VAT1L: variants seen among roughly 807,000 people sequenced by gnomAD.
The protein encoded by VAT1L is putative NADPH-dependent quinone oxidoreductase VAT1L.
Under a neutral mutation model 44.1 loss-of-function variants are expected in VAT1L, and 34 were observed. The ratio of observed to expected loss-of-function variants is 0.77; its 90% CI spans 0.59 to 1.03. The LOEUF is 1.03. VAT1L is among the 50% of genes least tolerant of loss of function. The pLI, the probability that VAT1L is intolerant of heterozygous loss-of-function variation, is 0.00. For missense variants in VAT1L, 615 were observed against 538.8 expected (o/e 1.14, Z -1.40); for synonymous variants, 253 against 202.2 (o/e 1.25, Z -2.13).
At chr16:77,892,930 G>C (rs914031497) in intron 7 of VAT1L, 5 of 945,576 alleles carry the variant, frequency 5.3e-6, no homozygotes, top group Non-Finnish European at 8.5e-6. Flanking sequence ...TTTGACTTGT[G>C]TTTTATCTTA....
chr16:77,858,700 T>C (rs2016885447), intron 3 of VAT1L, among the ~76,000 whole-genome samples: 1 of 152,168 alleles, frequency 6.6e-6, no homozygotes, highest in Admixed American at 6.5e-5. Flanking sequence ...CCTCAGCTTC[T>C]TCCTCAGTAA....
chr16:77,931,097 C>T (rs183718676), intron 7 of VAT1L, among the ~76,000 whole-genome samples: 12 of 152,282 alleles, frequency 7.9e-5, no homozygotes, highest in African/African-American at 2.6e-4. Flanking sequence ...AATTAACACC[C>T]AGGTTATTCT....
At chr16:77,929,474 C>A (rs1464702043) in intron 7 of VAT1L, among the ~76,000 whole-genome samples, 1 of 152,264 alleles carries the variant, frequency 6.6e-6, no homozygotes, top group African/African-American at 2.4e-5. Context: ...ATTAGCAATT[C>A]TCAGCTCCAG....
intron 4 of VAT1L, among the ~76,000 whole-genome samples, chr16:77,864,363 A>C (rs1051532534): frequency 5.9e-5 from 9 of 152,276 alleles, no homozygotes; most frequent in Admixed American, 4.6e-4. Context: ...GAGGCCAAGG[A>C]GGGCAGATCA....
intron 1 of VAT1L, among the ~76,000 whole-genome samples, chr16:77,810,445 A>G (rs145138779): frequency 2.2e-3 from 328 of 152,300 alleles, no homozygotes; most frequent in African/African-American, 7.7e-3. Flanking sequence ...GTAATGGAGT[A>G]TAAGGATTTA....
intron 7 of VAT1L, among the ~76,000 whole-genome samples, chr16:77,959,915 T>G (rs1021077755): frequency 6.6e-6 from 1 of 152,132 alleles, no homozygotes; most frequent in Admixed American, 6.5e-5. Flanking sequence ...TTTGCTCTTT[T>G]GTCCCCAAGG....
intron 7 of VAT1L, among the ~76,000 whole-genome samples, chr16:77,918,979 G>A (rs1225067278): frequency 1.3e-5 from 2 of 152,202 alleles, no homozygotes; most frequent in East Asian, 3.9e-4. Context: ...TTCCTATCTA[G>A]CTTCTTGTTT....
At chr16:77,886,113 C>T (rs2017206736) in intron 7 of VAT1L, among the ~76,000 whole-genome samples, 1 of 152,184 alleles carries the variant, frequency 6.6e-6, no homozygotes, top group Non-Finnish European at 1.5e-5. Flanking sequence ...TGCTTCCTTC[C>T]AGTCTTTTTT....
intron 7 of VAT1L, among the ~76,000 whole-genome samples, chr16:77,928,666 A>T (rs1439748575): frequency 6.6e-6 from 1 of 152,200 alleles, no homozygotes; most frequent in Non-Finnish European, 1.5e-5. Context: ...AGCCCCTCGT[A>T]AATGACGTGT....
chr16:77,944,602 T>C (rs1216522991), intron 7 of VAT1L, among the ~76,000 whole-genome samples: 1 of 152,164 alleles, frequency 6.6e-6, no homozygotes, highest in African/African-American at 2.4e-5. Context: ...TTGTGAAGAT[T>C]AAAGGAGATA....
Position 77,921,934 on chromosome 16 carries a change from G to C in VAT1L, c.1077+37132G>C, listed in dbSNP as rs187292145. 2.8e-3 allele frequency among the ~76,000 whole-genome samples: 425 copies of C among 152,020 alleles called. 5 individuals carry two copies. Among genetic ancestry groups the C allele is most frequent in the African/African-American group, 9.9e-3 (410 of 41,454 alleles). On this transcript the variant is annotated intron_variant, in intron 7 of 8. Coordinates refer to ENST00000302536, the MANE Select transcript of VAT1L (RefSeq NM_020927.3). ...AATTTTTATAATTTTTTTTTATGGTGACAGGGTCTCACTATGTTGCCCAGG... is the reference window on the plus strand; with the variant it reads ...AATTTTTATAATTTTTTTTTATGGTCACAGGGTCTCACTATGTTGCCCAGG...
At chr16:77,853,148 T>C (rs2016823719) in intron 3 of VAT1L, among the ~76,000 whole-genome samples, 1 of 152,188 alleles carries the variant, frequency 6.6e-6, no homozygotes, top group Non-Finnish European at 1.5e-5. Context: ...AGCAGAGCTG[T>C]GACAGGCTAG....
intron 7 of VAT1L, among the ~76,000 whole-genome samples, chr16:77,934,788 G>C (rs1347892766): frequency 6.6e-6 from 1 of 152,164 alleles, no homozygotes; most frequent in Non-Finnish European, 1.5e-5. Context: ...ACTTAATTGT[G>C]TGATATATTG....
chr16:77,862,531 G>A (rs11645946), intron 3 of VAT1L, among the ~76,000 whole-genome samples: 4,603 of 149,816 alleles, frequency 0.031, 82 homozygotes, highest in Middle Eastern at 0.046. Context: ...CAGGAGAATC[G>A]CTAGAACACA....
chr16:77,929,949 T>C (rs1005838355), intron 7 of VAT1L, among the ~76,000 whole-genome samples: 1 of 152,062 alleles, frequency 6.6e-6, no homozygotes, highest in African/African-American at 2.4e-5. Context: ...CACAGCGAGT[T>C]CTCCAAGTCA....
intron 3 of VAT1L, among the ~76,000 whole-genome samples, chr16:77,835,133 C>T (rs1021942003): frequency 1.4e-4 from 21 of 152,160 alleles, no homozygotes; most frequent in African/African-American, 3.6e-4. Flanking sequence ...CCTGCCACGT[C>T]GTAAATGCAG....
intron 7 of VAT1L, among the ~76,000 whole-genome samples, chr16:77,903,585 G>C (rs2017407406): frequency 1.3e-5 from 2 of 152,122 alleles, no homozygotes; most frequent in South Asian, 2.1e-4. Flanking sequence ...ATCTTACAGA[G>C]AAATTGGGTA....
intron 8 of VAT1L, among the ~76,000 whole-genome samples, chr16:77,977,144 C>A (rs561130696): frequency 4.6e-5 from 7 of 152,090 alleles, no homozygotes; most frequent in African/African-American, 1.2e-4. Context: ...ACAGAAACTG[C>A]GTGGGGTGCA....
At chr16:77,808,686 A>C (rs2016207481) in intron 1 of VAT1L, among the ~76,000 whole-genome samples, 1 of 151,988 alleles carries the variant, frequency 6.6e-6, no homozygotes, top group South Asian at 2.1e-4. Flanking sequence ...ACCTCCACCT[A>C]CCGGGTTCAA....
Sources: gnomAD v4.1 joint callset for allele counts (sites outside exome capture counted in the v4.1 genomes callset) on GRCh38, gnomAD v4.1.1 for gene constraint, MANE v1.5 for transcripts, NCBI Gene and HGNC (gene_info 2026-07-23, HGNC 2026-07-21) for gene names.